Variants in RYR2 observed in about 807,000 individuals in gnomAD.
RYR2 encodes cardiac muscle ryanodine receptor-calcium release channel.
A neutral mutation model predicts 601.1 loss-of-function variants in RYR2; 227 were observed. The observed-to-expected ratio is 0.38, with a 90% CI of 0.34 to 0.42. The LOEUF is 0.42. RYR2 is among the 10% of genes least tolerant of loss of function. RYR2 has a pLI of 1.00. For synonymous variants in RYR2, 2,223 were observed against 2,175.1 expected, an observed-to-expected ratio of 1.02 and a Z score of -0.61; for missense variants, 4,646 against 6,156.5, an observed-to-expected ratio of 0.75 and a Z score of 8.21.
intron 1 of RYR2, among the ~76,000 whole-genome samples, chr1:237,171,800 T>C (rs901690549): frequency 6.6e-6 from 1 of 152,190 alleles, no homozygotes; most frequent in Non-Finnish European, 1.5e-5. Flanking sequence ...CAGTGAGTAA[T>C]GGTATGGCTT....
At chr1:237,263,604 C>T (rs922272178) in intron 1 of RYR2, among the ~76,000 whole-genome samples, 2 of 152,158 alleles carry the variant, frequency 1.3e-5, no homozygotes, top group South Asian at 2.1e-4. Context: ...TAGGCTCACC[C>T]TTGAGTGCTT....
At chr1:237,357,908 G>A (rs1699439344) in intron 4 of RYR2, among the ~76,000 whole-genome samples, 3 of 152,126 alleles carry the variant, frequency 2.0e-5, no homozygotes, top group African/African-American at 4.8e-5. Flanking sequence ...AGATTCTGCT[G>A]GGTTTTAGAA....
chr1:237,073,052 C>T (rs1371699353), intron 1 of RYR2, among the ~76,000 whole-genome samples: 4 of 152,062 alleles, frequency 2.6e-5, no homozygotes, highest in East Asian at 1.9e-4. Flanking sequence ...CCCCACCGCA[C>T]GCTGAACTAG....
chr1:237,600,968 G>A (rs1676439837), intron 34 of RYR2, among the ~76,000 whole-genome samples: 1 of 152,078 alleles, frequency 6.6e-6, no homozygotes, highest in African/African-American at 2.4e-5. Flanking sequence ...TGAGGAAGAG[G>A]GAAACCCATA....
intron 1 of RYR2, among the ~76,000 whole-genome samples, chr1:237,128,643 G>A (rs1350991210): frequency 6.6e-6 from 1 of 152,162 alleles, no homozygotes; most frequent in Non-Finnish European, 1.5e-5. Context: ...AGAGTGACAT[G>A]ATCTCAGTTA....
At chr1:237,631,850 G>T (rs1759121) in intron 42 of RYR2, among the ~76,000 whole-genome samples, 37 of 150,824 alleles carry the variant, frequency 2.5e-4, no homozygotes, top group Non-Finnish European at 4.1e-4. Context: ...GGATGGTCTC[G>T]ATCTCCTGAC....
At position 237,708,713 on chromosome 1, in the gene RYR2, A is replaced by C. The variant is rs80304530; in HGVS notation, c.9902-145A>C. The C allele has an allele frequency of 9.8e-3, 5,661 of 576,510 alleles. 74 individuals are homozygous for C. The highest frequency in any genetic ancestry group is 0.031 in the Admixed American group (955 of 30,378). 35.7% of individuals were successfully genotyped at this position (576,510 alleles called of 1,614,324 possible). A position where few individuals can be genotyped will look rare whatever the true frequency, so the allele number is the denominator to read the frequency against. On this transcript the variant is annotated intron_variant, in intron 68 of 104. Transcript: ENST00000366574. The stretch of plus-strand genomic sequence containing the variant: ...TATGCAATTAGAACTTGGACTAGAA[A>C]AATGGCTGAGGCATGAGCTGTACCC...
chr1:237,441,077 C>T (rs549255678), intron 12 of RYR2, among the ~76,000 whole-genome samples: 2 of 151,946 alleles, frequency 1.3e-5, no homozygotes, highest in African/African-American at 4.8e-5. Flanking sequence ...TTGGAGTTGG[C>T]CATTATGCAA....
intron 1 of RYR2, among the ~76,000 whole-genome samples, chr1:237,137,112 C>A (rs866794766): frequency 4.6e-5 from 7 of 151,398 alleles, no homozygotes; most frequent in Non-Finnish European, 5.9e-5. Flanking sequence ...ATACTATGGA[C>A]TTTGCAAAAG....
At chr1:237,775,157 C>T (rs372628859) in intron 87 of RYR2, among the ~76,000 whole-genome samples, 3 of 149,674 alleles carry the variant, frequency 2.0e-5, no homozygotes, top group African/African-American at 7.4e-5. Context: ...AAATAACAAT[C>T]GTATCTGAAA....
intron 84 of RYR2, among the ~76,000 whole-genome samples, chr1:237,765,096 C>A (rs963126542): frequency 9.2e-5 from 14 of 151,474 alleles, no homozygotes; most frequent in Non-Finnish European, 1.5e-4. Context: ...ATGCTCAATG[C>A]TGTCTGTGCT....
intron 12 of RYR2, among the ~76,000 whole-genome samples, chr1:237,440,581 G>A (rs565604982): frequency 2.4e-4 from 36 of 152,262 alleles, no homozygotes; most frequent in Admixed American, 1.9e-3. Flanking sequence ...GTCAGAGGAT[G>A]GATTGCTACT....
chr1:237,127,336 G>T (rs1403036154), intron 1 of RYR2, among the ~76,000 whole-genome samples: 5 of 151,652 alleles, frequency 3.3e-5, no homozygotes, highest in East Asian at 2.0e-4. Flanking sequence ...GGGCAGAGGG[G>T]CTCCTCACTT....
At chr1:237,565,079 G>T (rs1671828740) in intron 27 of RYR2, among the ~76,000 whole-genome samples, 2 of 151,674 alleles carry the variant, frequency 1.3e-5, no homozygotes, top group Non-Finnish European at 2.9e-5. Context: ...GAAACAAATA[G>T]GAACTTCCTT....
At chr1:237,822,934 A>T (rs1419669956) in intron 101 of RYR2, among the ~76,000 whole-genome samples, 1 of 152,238 alleles carries the variant, frequency 6.6e-6, no homozygotes, top group African/African-American at 2.4e-5. Context: ...ATCAAAAGAG[A>T]CAAGGGCATT....
intron 63 of RYR2, among the ~76,000 whole-genome samples, chr1:237,692,517 G>A (rs887056942): frequency 5.9e-5 from 9 of 152,060 alleles, no homozygotes; most frequent in Admixed American, 3.9e-4. Flanking sequence ...GTGTTTCACC[G>A]TCCATTCCCC....
At chr1:237,056,684 G>GAGCACTGCACCTGTGAGGACTGC (rs200470545) in intron 1 of RYR2, among the ~76,000 whole-genome samples, 3 of 129,298 alleles carry the variant, frequency 2.3e-5, no homozygotes, top group Non-Finnish European at 4.8e-5. Context: ...GTGAGGACTG[G>GAGCACTGCACCTGTGAGGACTGC]AGCACTGCAC....
At chr1:237,770,783 T>C (rs1275522035) in intron 84 of RYR2, 24 bp from the exon 85 acceptor site, 2 of 1,508,236 alleles carry the variant, frequency 1.3e-6, no homozygotes, top group Admixed American at 3.9e-5. Context: ...CTGGTAATGT[T>C]TGATCCCTCT....
intron 83 of RYR2, among the ~76,000 whole-genome samples, chr1:237,760,405 G>A (rs1413222517): frequency 6.7e-6 from 1 of 149,752 alleles, no homozygotes; most frequent in African/African-American, 2.5e-5. Context: ...GTTTAAATAG[G>A]GATCTTGGAG....
Sources: allele counts gnomAD v4.1 joint callset (sites outside exome capture counted in the v4.1 genomes callset), GRCh38; gene constraint gnomAD v4.1.1; transcripts MANE v1.5; gene names NCBI Gene and HGNC (gene_info 2026-07-23, HGNC 2026-07-21).